ANK3: variants seen among roughly 807,000 people sequenced by gnomAD.
The protein encoded by ANK3 is ankyrin-3.
In ANK3, 57 loss-of-function variants were observed where a neutral mutation model predicts 370.9. That is an observed-to-expected ratio of 0.15 (90% confidence interval 0.12 to 0.19). The LOEUF (loss-of-function observed/expected upper bound fraction) is 0.19. Among genes scored for constraint, ANK3 ranks in the 10% least tolerant of loss-of-function variants. The pLI is 1.00. For synonymous variants in ANK3, 1,929 were observed against 1,946.3 expected (o/e 0.99, Z 0.23); for missense variants, 4,439 against 5,302.1 (o/e 0.84, Z 5.06).
chr10:60,079,484 T>C (rs993670051), intron 36 of ANK3, among the ~76,000 whole-genome samples: 2 of 152,144 alleles, frequency 1.3e-5, no homozygotes, highest in East Asian at 1.9e-4. Flanking sequence ...GCAGATCTTA[T>C]ATGCTATGCT....
chr10:60,509,250 CAA>C (rs545237136), intron 2 of ANK3, among the ~76,000 whole-genome samples: 10 of 147,164 alleles, frequency 6.8e-5, no homozygotes, highest in African/African-American at 2.2e-4. Context: ...ATATAACTAG[CAA>C]AAAAAAAAGT....
chr10:60,078,283 GGC>G (rs777220170), intron 36 of ANK3, among the ~76,000 whole-genome samples: 1 of 152,048 alleles, frequency 6.6e-6, no homozygotes, highest in Non-Finnish European at 1.5e-5. Flanking sequence ...TCCTTTCCTA[GGC>G]TTACATATTA....
At chr10:60,651,655 G>A (rs1213257418) in intron 1 of ANK3, among the ~76,000 whole-genome samples, 1 of 152,134 alleles carries the variant, frequency 6.6e-6, no homozygotes, top group Non-Finnish European at 1.5e-5. Context: ...TTAGCTGCCT[G>A]TCCTTGCTGT....
At chr10:60,438,570 T>G (rs1434658386) in intron 2 of ANK3, among the ~76,000 whole-genome samples, 1 of 152,178 alleles carries the variant, frequency 6.6e-6, no homozygotes, top group African/African-American at 2.4e-5. Flanking sequence ...GCCTAAGCCA[T>G]TTCCAGCTAT....
intron 2 of ANK3, among the ~76,000 whole-genome samples, chr10:60,432,581 T>C (rs1035285538): frequency 3.9e-5 from 6 of 152,206 alleles, no homozygotes; most frequent in South Asian, 2.1e-4. Flanking sequence ...TGACTATCCA[T>C]GGAGTATGTC....
chr10:60,265,319 T>A (rs1300935802), intron 5 of ANK3, among the ~76,000 whole-genome samples: 1 of 152,182 alleles, frequency 6.6e-6, no homozygotes, highest in Non-Finnish European at 1.5e-5. Flanking sequence ...AAGAATTTGA[T>A]TAAAACACGA....
rs2079471821 is a variant in ANK3, at chr10:60,697,240, A to C, written c.57+36023T>G. ...CAAGGAGAACTACAAACCACTGCTC[A>C]AGGAAATAAAAGAGGATACAAACAA... On this transcript the variant is annotated intron_variant, in intron 1 of 43. Transcript: ENST00000373827. Among the ~76,000 whole-genome samples the C allele has an allele frequency of 2.0e-5, 3 of 150,038 alleles. No individual in the cohort carries two copies. The South Asian group carries it at 6.4e-4, about 32-fold the overall frequency.
intron 2 of ANK3, among the ~76,000 whole-genome samples, chr10:60,602,057 C>T (rs1293304918): frequency 6.6e-6 from 1 of 152,048 alleles, no homozygotes; most frequent in African/African-American, 2.4e-5. Flanking sequence ...GTAGTAATAG[C>T]TTACACTGGA....
intron 26 of ANK3, chr10:60,111,771 A>C (rs757119565): frequency 2.2e-6 from 1 of 456,232 alleles, no homozygotes; most frequent in South Asian, 1.6e-5. Flanking sequence ...GAATAGCTGC[A>C]AAATAATTTA....
intron 1 of ANK3, among the ~76,000 whole-genome samples, chr10:60,719,910 T>C (rs889313304): frequency 6.6e-6 from 1 of 152,172 alleles, no homozygotes; most frequent in African/African-American, 2.4e-5. Flanking sequence ...GGAATCTTCA[T>C]AGACTTTAGC....
chr10:60,414,645 G>A (rs377762184), intron 2 of ANK3, among the ~76,000 whole-genome samples: 18 of 152,300 alleles, frequency 1.2e-4, no homozygotes, highest in South Asian at 6.2e-4. Flanking sequence ...TCTCTCCTAC[G>A]TGCCATGGAC....
At chr10:60,186,642 G>T in intron 17 of ANK3, 73 bp downstream of exon 17, 1 of 1,442,016 alleles carries the variant, frequency 6.9e-7, no homozygotes, top group Non-Finnish European at 9.6e-7. Flanking sequence ...GATCTTCTGT[G>T]AATTCTTAGT....
rs769486916 is a variant in ANK3, at chr10:60,087,504, AAAAC to A, written c.3541-624_3541-621del. On this transcript the variant is annotated intron_variant, in intron 29 of 43. Coordinates refer to ENST00000280772, the MANE Select transcript of ANK3 (RefSeq NM_020987.5). ...CTCAGGACTTAAGTATGCTTGGCTC[AAAAC>A]AAACAAACAAAACCCAGTTAACTCC... Among the ~76,000 whole-genome samples the A allele has an allele frequency of 7.9e-5, 12 of 152,334 alleles. No homozygotes were observed. In the East Asian group the frequency reaches 1.5e-3, roughly 20 times the overall value.
intron 1 of ANK3, among the ~76,000 whole-genome samples, chr10:60,709,960 G>A (rs966641315): frequency 1.4e-4 from 22 of 152,118 alleles, no homozygotes; most frequent in African/African-American, 5.3e-4. Flanking sequence ...CTGAAATGAT[G>A]GGCAGCCACA....
At chr10:60,097,870 T>A (rs888948649) in intron 28 of ANK3, among the ~76,000 whole-genome samples, 2 of 152,206 alleles carry the variant, frequency 1.3e-5, no homozygotes, top group African/African-American at 4.8e-5. Flanking sequence ...GATTTGTGTA[T>A]CAGGGTTAAT....
intron 7 of ANK3, among the ~76,000 whole-genome samples, chr10:60,248,117 G>T (rs1266148267): frequency 6.6e-6 from 1 of 152,176 alleles, no homozygotes; most frequent in African/African-American, 2.4e-5. Context: ...TTTGGCTACT[G>T]TGAATAATGC....
chr10:60,432,930 A>C (rs756063021), intron 2 of ANK3, among the ~76,000 whole-genome samples: 15 of 151,998 alleles, frequency 9.9e-5, no homozygotes, highest in Non-Finnish European at 2.1e-4. Context: ...GCATCAGCCC[A>C]CTCCATCATC....
At chr10:60,590,893 C>T (rs745802039) in intron 2 of ANK3, among the ~76,000 whole-genome samples, 6 of 151,470 alleles carry the variant, frequency 4.0e-5, no homozygotes, top group African/African-American at 1.2e-4. Flanking sequence ...TTTATTTTTC[C>T]GACATATTTT....
In ANK3 at chr10:60,036,422, A is replaced by ATTTTTTTTTTTTTTTTTTTTT. The variant is rs563946588; in HGVS notation, c.*19+6229_*19+6249dup. The stretch of plus-strand genomic sequence containing the variant: ...CTGCGGAAGAGAGAGGTCAGAGGCA[A>ATTTTTTTTTTTTTTTTTTTTT]TTTTTTTTTTTTTTTTTTTTTTTTT... On this transcript the variant is annotated intron_variant, in intron 43 of 43. Coordinates refer to ENST00000280772, the MANE Select transcript of ANK3 (RefSeq NM_020987.5). Among the ~76,000 whole-genome samples, 9 of 72,292 alleles carry ATTTTTTTTTTTTTTTTTTTTT rather than the reference A, an allele frequency of 1.2e-4. 1 individual carries two copies. The highest frequency in any genetic ancestry group is 5.6e-4 in the African/African-American group (8 of 14,242). 47.4% of individuals were successfully genotyped at this position (72,292 alleles called of 152,430 possible). A position where few individuals can be genotyped will look rare whatever the true frequency, so the allele number is the denominator to read the frequency against.
Sources: allele counts gnomAD v4.1 joint callset (sites outside exome capture counted in the v4.1 genomes callset), GRCh38; gene constraint gnomAD v4.1.1; transcripts MANE v1.5; gene names NCBI Gene and HGNC (gene_info 2026-07-23, HGNC 2026-07-21).